The following BTNL2 variants were observed in gnomAD, a reference collection of about 807,000 sequenced individuals.
The protein encoded by BTNL2 is butyrophilin like 2.
BTNL2 carries 46 observed loss-of-function variants against 46.8 expected under a neutral mutation model. That is an observed-to-expected ratio of 0.98 (90% CI 0.78 to 1.26). The LOEUF (loss-of-function observed/expected upper bound fraction) is 1.26. Ranked by LOEUF, BTNL2 falls within the 50% of genes most tolerant of loss-of-function variation. The probability of loss-of-function intolerance (pLI) is 0.00; values close to 1 mark genes in which losing one functional copy is unlikely to be tolerated. For missense variants in BTNL2, 461 were observed against 592.6 expected (o/e 0.78, Z 2.31); for synonymous variants, 226 against 229.1 (o/e 0.99, Z 0.12).
rs1776891010 is a variant in BTNL2, at chr6:32,403,093, T to C, written c.551A>G (p.Lys184Arg). Residue 184 changes from lysine (K) to arginine (R), a missense_variant, in exon 3 of 8, where the codon AAG (lysine) becomes AGG (arginine). Lys to Arg is a conservative substitution (Grantham distance 26, BLOSUM62 2). Transcript: ENST00000454136. Reference protein sequence around the residue: ...QVYWEDIRGEKLLAVSEHRIQ... With the variant: ...QVYWEDIRGERLLAVSEHRIQ... ...GCGATGCTCAGACACGGCCAGCAGC[T>C]TCTCTCCCCGGATGTCTTCCCAATA... 1.9e-6 allele frequency: 3 copies of C among 1,612,882 alleles called. No homozygotes were observed. Among genetic ancestry groups the C allele is most frequent in the Non-Finnish European group, 1.7e-6 (2 of 1,179,916 alleles).
intron 4 of BTNL2, among the ~76,000 whole-genome samples, chr6:32,400,745 T>TAAAAAA: frequency 1.2e-5 from 1 of 82,164 alleles, no homozygotes; most frequent in East Asian, 3.1e-4. Flanking sequence ...CCGTCTCTAC[T>TAAAAAA]AAAAAAAAAA....
Position 32,396,544 on chromosome 6 carries a change from T to G in BTNL2, c.731-158A>C. Reference sequence around the variant, plus strand: ...TAGGTGAGGTGGGGGTTTCATGGACTCAGAATAGAGGTTGCTCTTCTTTAA... The same window carrying G: ...TAGGTGAGGTGGGGGTTTCATGGACGCAGAATAGAGGTTGCTCTTCTTTAA... On this transcript the variant is annotated intron_variant, in intron 4 of 7. Coordinates refer to ENST00000454136, the MANE Select transcript of BTNL2 (RefSeq NM_001304561.2). This position sits in a 1 kb window ranked among gnomAD's most constrained non-coding sequence, Gnocchi z 4.4. 1 of 705,356 alleles carries G rather than the reference T, an allele frequency of 1.4e-6. No individual in the cohort carries two copies. The highest frequency in any genetic ancestry group is 2.5e-6 in the Non-Finnish European group (1 of 405,586). 43.7% of individuals were successfully genotyped at this position (705,356 alleles called of 1,614,324 possible). A position where few individuals can be genotyped will look rare whatever the true frequency, so the allele number is the denominator to read the frequency against.
chr6:32,401,559 C>T (rs117998183), intron 4 of BTNL2, among the ~76,000 whole-genome samples: 2,663 of 152,260 alleles, frequency 0.017, 79 homozygotes, highest in East Asian at 0.11. Flanking sequence ...ATCTGATGCT[C>T]ACTGGAATCT....
At chr6:32,395,143 G>A (rs117479358) in intron 5 of BTNL2, 118 bp from the exon 6 acceptor site, 1 of 1,031,770 alleles carries the variant, frequency 9.7e-7, no homozygotes, top group Non-Finnish European at 1.4e-6. Flanking sequence ...AAAGCTTAAG[G>A]GGGATTGCAC....
chr6:32,402,917 T>C lies in BTNL2; in HGVS notation c.709+18A>G, dbSNP rs746310509. On this transcript the variant is annotated intron_variant, in intron 3 of 7. Transcript: ENST00000454136. ...CCTGCTGATCTGAGCATGTGGGTCCTAGAGGCAGAGCACTGACCTGGGAGG... is the reference window on the plus strand; with the variant it reads ...CCTGCTGATCTGAGCATGTGGGTCCCAGAGGCAGAGCACTGACCTGGGAGG... 6.2e-7 allele frequency: 1 copy of C among 1,609,884 alleles called. No homozygotes were observed. The highest frequency in any genetic ancestry group is 8.5e-7 in the Non-Finnish European group (1 of 1,177,580).
In BTNL2 at chr6:32,393,786, A is replaced by G. The variant is rs1776264972; in HGVS notation, c.*6+177T>C. The stretch of plus-strand genomic sequence containing the variant: ...ACAAGTGGAAACACTGACCTCATGC[A>G]TCACTGAGCCTGGATTGCATGATAA... On this transcript the variant is annotated intron_variant, in intron 7 of 7. Coordinates refer to ENST00000454136, the MANE Select transcript of BTNL2 (RefSeq NM_001304561.2). The surrounding 1 kb of genome is among the most constrained non-coding windows in gnomAD (Gnocchi z 4.8). The G allele has an allele frequency of 2.6e-6, 2 of 770,542 alleles. No homozygotes were observed. Among genetic ancestry groups the G allele is most frequent in the Non-Finnish European group, 3.9e-6 (2 of 515,956 alleles). 47.7% of individuals were successfully genotyped at this position (770,542 alleles called of 1,614,324 possible). A position where few individuals can be genotyped will look rare whatever the true frequency, so the allele number is the denominator to read the frequency against.
In BTNL2 at chr6:32,394,692, T is replaced by C; in HGVS notation, c.1360+52A>G. On this transcript the variant is annotated intron_variant, in intron 6 of 7. Transcript: ENST00000454136. The surrounding 1 kb of genome is among the most constrained non-coding windows in gnomAD (Gnocchi z 4.6). ...GAGCAATACAATGAGTAAGTCTGAG[T>C]TGGTCTTCATATTTATTTTCCAAAC... 1 of 1,545,818 alleles carries C rather than the reference T, an allele frequency of 6.5e-7. No homozygotes were observed. Among genetic ancestry groups the C allele is most frequent in the Non-Finnish European group, 8.8e-7 (1 of 1,134,020 alleles).
In BTNL2 at chr6:32,405,246, G is replaced by A. The variant is rs1174948542; in HGVS notation, c.120C>T (p.Ala40=). 15 of 1,612,796 alleles carry A rather than the reference G, an allele frequency of 9.3e-6. No individual in the cohort carries two copies. Among genetic ancestry groups the A allele is most frequent in the African/African-American group, 2.7e-5 (2 of 74,862 alleles). The change falls in exon 2 of 8, where the codon GCC becomes GCT. Residue 40 remains alanine, a synonymous_variant. Transcript: ENST00000454136. ...RVIGPAHPIL[A]GVGEDALLTC... is the part of the protein sequence containing the mutation. ...TTAACAGGGCATCTTCCCCAACCCC[G>A]GCCAGGATAGGATGAGCAGGGCCAA... is the stretch of plus-strand genomic sequence containing the variant.
In BTNL2 at chr6:32,401,068, C is replaced by T. The variant is rs181154121; in HGVS notation, c.730+717G>A. 1.3e-4 allele frequency among the ~76,000 whole-genome samples: 18 copies of T among 138,488 alleles called. 1 individual carries two copies. The East Asian group carries it at 1.8e-3, about 14-fold the overall frequency. 90.9% of individuals were successfully genotyped at this position (138,488 alleles called of 152,430 possible). A position where few individuals can be genotyped will look rare whatever the true frequency, so the allele number is the denominator to read the frequency against. ...CTAAAAATACAAAAAATTAGCCGGG[C>T]GTGGTGGCGGTTGCCTGTAGTCCCA... On this transcript the variant is annotated intron_variant, in intron 4 of 7. Transcript: ENST00000454136.
chr6:32,403,210 C>T lies in BTNL2; in HGVS notation c.434G>A (p.Gly145Glu), dbSNP rs138358964. 1.2e-6 allele frequency: 2 copies of T among 1,604,022 alleles called. No homozygotes were observed. Among genetic ancestry groups the T allele is most frequent in the Admixed American group, 1.7e-5 (1 of 58,670 alleles). Residue 145 changes from glycine (G) to glutamate (E), a missense_variant, in exon 3 of 8, where the codon GGG becomes GAG. Transcript: ENST00000454136. ...CTCCATGTGGATGCTAGGGGCAGAC[C>T]CCAGACCTGCAGAGGGAAGCCACAG... is the stretch of plus-strand genomic sequence containing the variant. ...TSLLLKVAGL[G>E]SAPSIHMEGP...
At position 32,396,235 on chromosome 6, in the gene BTNL2, A is replaced by T. The variant is rs1268178282; in HGVS notation, c.882T>A (p.Tyr294Ter). 1 of 1,612,926 alleles carries T rather than the reference A, an allele frequency of 6.2e-7. No individual in the cohort carries two copies. The highest frequency in any genetic ancestry group is 1.3e-5 in the African/African-American group (1 of 74,896). ...RSHRYPAVHV[Y>*]MDGDHVAGEQ... ...CTCCAGCCACATGGTCCCCATCCATATACACATGCACAGCAGGGTAACGGT... is the reference window on the plus strand; with the variant it reads ...CTCCAGCCACATGGTCCCCATCCATTTACACATGCACAGCAGGGTAACGGT... Residue 294 changes from tyrosine (Y) to a stop codon, truncating the protein, a stop_gained, in exon 5 of 8, where the codon TAT (tyrosine) becomes TAA (stop). Coordinates refer to ENST00000454136, the MANE Select transcript of BTNL2 (RefSeq NM_001304561.2). LOFTEE classifies it high-confidence loss of function. This position sits in a 1 kb window ranked among gnomAD's most constrained non-coding sequence, Gnocchi z 4.4.
At position 32,394,470 on chromosome 6, in the gene BTNL2, A is replaced by C. The variant is rs77399419; in HGVS notation, c.1360+274T>G. ...TTTCACATCAGAAGAAGAGAATTTA[A>C]AGAGAGAGAGTGAAAACAGGGTCAA... On this transcript the variant is annotated intron_variant, in intron 6 of 7. Coordinates refer to ENST00000454136, the MANE Select transcript of BTNL2 (RefSeq NM_001304561.2). The surrounding 1 kb of genome is among the most constrained non-coding windows in gnomAD (Gnocchi z 4.6). Among the ~76,000 whole-genome samples, 1 of 109,790 alleles carries C rather than the reference A, an allele frequency of 9.1e-6. No homozygotes were observed. The highest frequency in any genetic ancestry group is 2.0e-5 in the Non-Finnish European group (1 of 49,428). 72.0% of individuals were successfully genotyped at this position (109,790 alleles called of 152,430 possible).
At position 32,394,705 on chromosome 6, in the gene BTNL2, T is replaced by G; in HGVS notation, c.1360+39A>C. On this transcript the variant is annotated intron_variant, in intron 6 of 7. Coordinates refer to ENST00000454136, the MANE Select transcript of BTNL2 (RefSeq NM_001304561.2). The surrounding 1 kb of genome is among the most constrained non-coding windows in gnomAD (Gnocchi z 4.6). ...AGTAAGTCTGAGTTGGTCTTCATAT[T>G]TATTTTCCAAACCTGAAGGAACATA... The G allele has an allele frequency of 1.3e-6, 2 of 1,579,348 alleles. No homozygotes were observed. The highest frequency in any genetic ancestry group is 1.7e-6 in the Non-Finnish European group (2 of 1,159,770).
chr6:32,397,426 G>C (rs1361875330), intron 4 of BTNL2, among the ~76,000 whole-genome samples: 1 of 152,142 alleles, frequency 6.6e-6, no homozygotes, highest in Non-Finnish European at 1.5e-5. Flanking sequence ...CATAAATGCT[G>C]TCTGACCAAA....
At position 32,402,863 on chromosome 6, in the gene BTNL2, G is replaced by A. The variant is rs749049757; in HGVS notation, c.709+72C>T. 8.7e-4 allele frequency: 1,262 copies of A among 1,442,400 alleles called. 2 individuals are homozygous for A. The highest frequency in any genetic ancestry group is 1.1e-3 in the Non-Finnish European group (1,180 of 1,052,480). 89.4% of individuals were successfully genotyped at this position (1,442,400 alleles called of 1,614,324 possible). A position where few individuals can be genotyped will look rare whatever the true frequency, so the allele number is the denominator to read the frequency against. ...ATAATGTCTCTTGATAAAAATACGA[G>A]GTGCTATGGTGCAGTCCCTGGGACC... is the stretch of plus-strand genomic sequence containing the variant. On this transcript the variant is annotated intron_variant, in intron 3 of 7. Transcript: ENST00000454136.
rs185704877 is a variant in BTNL2 at position 32,401,077 on chromosome 6, G to A, written c.730+708C>T. Among the ~76,000 whole-genome samples the A allele has an allele frequency of 8.2e-5, 12 of 146,362 alleles. 1 individual carries two copies. In the East Asian group the frequency reaches 1.7e-3, roughly 21 times the overall value. On this transcript the variant is annotated intron_variant, in intron 4 of 7. Coordinates refer to ENST00000454136, the MANE Select transcript of BTNL2 (RefSeq NM_001304561.2). The stretch of plus-strand genomic sequence containing the variant: ...CAAAAAATTAGCCGGGCGTGGTGGC[G>A]GTTGCCTGTAGTCCCAGCTACTTGG...
intron 3 of BTNL2, among the ~76,000 whole-genome samples, 169 bp from the exon 4 acceptor site, chr6:32,401,974 C>T (rs1195962634): frequency 6.6e-6 from 1 of 152,108 alleles, no homozygotes; most frequent in African/African-American, 2.4e-5. Context: ...CCCAATGATA[C>T]AGCTTTTTTT....
chr6:32,405,117 C>G lies in BTNL2; in HGVS notation c.249G>C (p.Val83=). 6.2e-7 allele frequency: 1 copy of G among 1,613,064 alleles called. No individual in the cohort carries two copies. The highest frequency in any genetic ancestry group is 8.5e-7 in the Non-Finnish European group (1 of 1,180,028). The change falls in exon 2 of 8, where the codon GTG becomes GTC. Residue 83 remains valine (V), a synonymous_variant. Transcript: ENST00000454136. ...PVFVHRDGVE[V]TEMQMEEYRG... is the part of the protein sequence containing the mutation. ...TGTACTCCTCCATCTGCATCTCAGT[C>G]ACCTCCACTCCATCCCTGTGCACAA...
At chr6:32,395,577 G>A (rs1219673178) in intron 5 of BTNL2, among the ~76,000 whole-genome samples, 1 of 152,134 alleles carries the variant, frequency 6.6e-6, no homozygotes, top group Non-Finnish European at 1.5e-5. Context: ...ACGGACAGTG[G>A]GAAATGATGC....
Sources: allele counts gnomAD v4.1 joint callset (sites outside exome capture counted in the v4.1 genomes callset), GRCh38; gene constraint gnomAD v4.1.1; non-coding constraint Gnocchi (gnomAD v3.1); transcripts MANE v1.5; gene names NCBI Gene and HGNC (gene_info 2026-07-23, HGNC 2026-07-21).